Variants in ATE1 observed in about 807,000 individuals in gnomAD.
ATE1 encodes the protein arginyl-tRNA--protein transferase 1.
Under a neutral mutation model 70.5 loss-of-function variants are expected in ATE1, and 36 were observed. The observed-to-expected ratio is 0.51, with a 90% confidence interval of 0.39 to 0.67. The LOEUF is 0.67. Among genes scored for constraint, ATE1 ranks in the 30% least tolerant of loss-of-function variants. ATE1 has a pLI of 0.00. For missense variants in ATE1, 593 were observed against 629.5 expected (o/e 0.94, Z 0.62); for synonymous variants, 232 against 219.3 (o/e 1.06, Z -0.51).
intron 11 of ATE1, among the ~76,000 whole-genome samples, chr10:121,779,468 G>A (rs1270979480): frequency 3.3e-5 from 5 of 152,132 alleles, no homozygotes; most frequent in African/African-American, 1.2e-4. Context: ...ACCTACTGTT[G>A]CCACACCCGT....
rs1244808791 is a variant in ATE1 at position 121,898,747 on chromosome 10, A to T, written c.942+1119T>A. ...CACAGAAGTTCAGTAATACACACTG[A>T]AAGGGTCATCAGCTCCACCTGACAA... On this transcript the variant is annotated intron_variant, in intron 7 of 11. Transcript: ENST00000224652. The T allele has an allele frequency of 7.6e-6, 11 of 1,447,708 alleles. 1 individual carries two copies. Among genetic ancestry groups the T allele is most frequent in the Non-Finnish European group, 1.0e-5 (11 of 1,065,614 alleles). 89.7% of individuals were successfully genotyped at this position (1,447,708 alleles called of 1,614,324 possible).
intron 7 of ATE1, among the ~76,000 whole-genome samples, chr10:121,886,558 C>T (rs1477923354): frequency 2.0e-5 from 3 of 152,126 alleles, no homozygotes; most frequent in Non-Finnish European, 2.9e-5. Context: ...TACAGCTCCC[C>T]GCCACCTGAA....
intron 1 of ATE1, 64 bp from the exon 2 acceptor site, chr10:121,924,393 T>A: frequency 8.7e-6 from 13 of 1,493,556 alleles, no homozygotes; most frequent in Non-Finnish European, 1.2e-5. Flanking sequence ...AAATTCAAAG[T>A]GTGAGGTTTA....
At position 121,790,254 on chromosome 10, in the gene ATE1, C is replaced by T. The variant is rs1590306027; in HGVS notation, c.1293G>A (p.Glu431=). The T allele has an allele frequency of 1.7e-5, 27 of 1,613,896 alleles. No homozygotes were observed. Among genetic ancestry groups the T allele is most frequent in the Non-Finnish European group, 2.1e-5 (25 of 1,179,982 alleles). The part of the protein sequence containing the change: ...QYRPSDLLCP[E]TYVWVPIEQC... Reference sequence around the variant, plus strand: ...GCTCAATGGGTACCCAAACATATGTCTCAGGGCACAGCAAATCAGAAGGTC... The same window carrying T: ...GCTCAATGGGTACCCAAACATATGTTTCAGGGCACAGCAAATCAGAAGGTC... Residue 431 remains glutamate (E), a synonymous_variant, in exon 11 of 12, where the codon GAG becomes GAA. Coordinates refer to ENST00000224652, the MANE Select transcript of ATE1 (RefSeq NM_001001976.3).
intron 3 of ATE1, among the ~76,000 whole-genome samples, chr10:121,921,282 C>T (rs976630186): frequency 6.6e-6 from 1 of 151,654 alleles, no homozygotes; most frequent in Non-Finnish European, 1.5e-5. Context: ...TGTCTGAGTA[C>T]CCAAGGTTTA....
intron 11 of ATE1, among the ~76,000 whole-genome samples, chr10:121,788,143 G>A (rs372522821): frequency 6.6e-6 from 1 of 152,152 alleles, no homozygotes; most frequent in East Asian, 1.9e-4. Context: ...TCTTTTGAGG[G>A]AAGAGAGGAG....
At chr10:121,917,768 G>C (rs1028003961) in intron 3 of ATE1, among the ~76,000 whole-genome samples, 2 of 152,148 alleles carry the variant, frequency 1.3e-5, no homozygotes, top group Admixed American at 1.3e-4. Context: ...ATGGGACAGG[G>C]GGGTTGGGGG....
At chr10:121,835,549 T>G (rs1040851577) in intron 10 of ATE1, among the ~76,000 whole-genome samples, 22 of 152,110 alleles carry the variant, frequency 1.4e-4, no homozygotes, top group African/African-American at 4.8e-4. Flanking sequence ...ATATAATGTA[T>G]GAACCTTACT....
chr10:121,888,726 C>A (rs1337983414), intron 7 of ATE1, among the ~76,000 whole-genome samples: 1 of 152,096 alleles, frequency 6.6e-6, no homozygotes, highest in Non-Finnish European at 1.5e-5. Context: ...ATACCAGGAA[C>A]TACTAAAATT....
intron 4 of ATE1, among the ~76,000 whole-genome samples, chr10:121,912,845 T>G (rs931731932): frequency 4.6e-5 from 7 of 151,240 alleles, no homozygotes; most frequent in Admixed American, 1.3e-4. Context: ...CCCTGATTCT[T>G]GTGCCTCAGC....
chr10:121,853,833 A>G (rs944584430), intron 8 of ATE1, among the ~76,000 whole-genome samples: 8 of 152,198 alleles, frequency 5.3e-5, no homozygotes, highest in African/African-American at 1.9e-4. Context: ...TCAAGGCACC[A>G]ACAGATTTGG....
At chr10:121,843,670 A>C (rs1158441178) in intron 8 of ATE1, among the ~76,000 whole-genome samples, 1 of 152,194 alleles carries the variant, frequency 6.6e-6, no homozygotes. Context: ...AGGCAATGCA[A>C]TAGAGAAAGA....
chr10:121,849,680 G>A (rs1296512798), intron 8 of ATE1, among the ~76,000 whole-genome samples: 1 of 152,176 alleles, frequency 6.6e-6, no homozygotes, highest in Non-Finnish European at 1.5e-5. Flanking sequence ...AGCACTCTTG[G>A]TTAATAATGA....
chr10:121,907,144 CA>C (rs201545165), intron 5 of ATE1, among the ~76,000 whole-genome samples: 3 of 149,642 alleles, frequency 2.0e-5, no homozygotes, highest in African/African-American at 2.5e-5. Flanking sequence ...CTACAAACAT[CA>C]AAAAAAAAGA....
chr10:121,893,880 G>A (rs2134228033), intron 7 of ATE1, among the ~76,000 whole-genome samples: 1 of 152,320 alleles, frequency 6.6e-6, no homozygotes, highest in African/African-American at 2.4e-5. Flanking sequence ...GCTCATGCCT[G>A]TAATCCCAGC....
intron 1 of ATE1, 88 bp from the exon 2 acceptor site, chr10:121,924,417 G>A: frequency 1.5e-6 from 2 of 1,305,558 alleles, no homozygotes; most frequent in Non-Finnish European, 2.2e-6. Context: ...ATAGGAGTGT[G>A]TGTCCGGGCA....
At chr10:121,919,172 A>G (rs546032068) in intron 3 of ATE1, among the ~76,000 whole-genome samples, 3 of 152,160 alleles carry the variant, frequency 2.0e-5, no homozygotes, top group African/African-American at 7.2e-5. Flanking sequence ...ACACTTCACA[A>G]TAAATCTTGC....
intron 8 of ATE1, among the ~76,000 whole-genome samples, chr10:121,865,669 G>A (rs1041101336): frequency 2.6e-5 from 4 of 152,156 alleles, no homozygotes; most frequent in African/African-American, 9.7e-5. Flanking sequence ...GGATCTAATG[G>A]AAATATGTTG....
intron 11 of ATE1, among the ~76,000 whole-genome samples, chr10:121,745,553 A>G (rs184271774): frequency 1.3e-5 from 2 of 148,890 alleles, no homozygotes. Flanking sequence ...CGTCTCTACT[A>G]AAAAAAAACC....
Sources: allele counts gnomAD v4.1 joint callset (sites outside exome capture counted in the v4.1 genomes callset), GRCh38; gene constraint gnomAD v4.1.1; transcripts MANE v1.5; gene names NCBI Gene and HGNC (gene_info 2026-07-23, HGNC 2026-07-21).